The following PTPN12 variants were observed in gnomAD, a reference collection of about 807,000 sequenced individuals.
PTPN12 encodes tyrosine-protein phosphatase non-receptor type 12.
PTPN12 carries 29 observed loss-of-function variants against 97.6 expected under a neutral mutation model. The observed-to-expected ratio is 0.30, with a 90% confidence interval of 0.22 to 0.41. The LOEUF (loss-of-function observed/expected upper bound fraction) is 0.41, where lower values mean the gene tolerates loss of function less well. Among genes scored for constraint, PTPN12 ranks in the 10% least tolerant of loss-of-function variants. The pLI is 1.00. For missense variants in PTPN12, 819 were observed against 926.0 expected, an observed-to-expected ratio of 0.88 and a Z score of 1.50; for synonymous variants, 327 against 300.4, an observed-to-expected ratio of 1.09 and a Z score of -0.91.
chr7:77,561,615 CAG>C (rs1807998479), intron 1 of PTPN12, among the ~76,000 whole-genome samples: 1 of 151,980 alleles, frequency 6.6e-6, no homozygotes, highest in Non-Finnish European at 1.5e-5. Context: ...TTTGTTTTTG[CAG>C]AGAGAAGTGT....
intron 1 of PTPN12, among the ~76,000 whole-genome samples, chr7:77,570,138 A>G (rs1280649469): frequency 6.6e-6 from 1 of 152,218 alleles, no homozygotes; most frequent in Non-Finnish European, 1.5e-5. Context: ...ATCATAAAGA[A>G]AAAAATGTAT....
intron 7 of PTPN12, among the ~76,000 whole-genome samples, chr7:77,599,364 A>C (rs1272346476): frequency 2.3e-5 from 3 of 127,794 alleles, no homozygotes; most frequent in African/African-American, 6.1e-5. Flanking sequence ...TATATTGCCC[A>C]GGCTGGACTC....
At chr7:77,583,880 CAGTA>C in intron 4 of PTPN12, 1 of 360,962 alleles carries the variant, frequency 2.8e-6, no homozygotes, top group Non-Finnish European at 5.0e-6. Flanking sequence ...TGTCCTAAGT[CAGTA>C]AGTAATGATA....
intron 5 of PTPN12, among the ~76,000 whole-genome samples, chr7:77,591,171 C>T (rs999776687): frequency 4.6e-5 from 7 of 152,228 alleles, no homozygotes; most frequent in Non-Finnish European, 1.0e-4. Context: ...CTTTGTTTCT[C>T]TGTGAGCATT....
intron 8 of PTPN12, 67 bp downstream of exon 8, chr7:77,600,873 C>A: frequency 1.5e-6 from 2 of 1,321,024 alleles, no homozygotes; most frequent in Non-Finnish European, 2.1e-6. Context: ...GGTTTTATTT[C>A]TGCATTAATA....
intron 11 of PTPN12, among the ~76,000 whole-genome samples, chr7:77,611,337 T>G (rs1181892351): frequency 6.6e-6 from 1 of 152,236 alleles, no homozygotes; most frequent in Non-Finnish European, 1.5e-5. Flanking sequence ...ATAATTGCAT[T>G]GTTCTCTTTA....
chr7:77,632,248 C>G lies in PTPN12; in HGVS notation c.1997-100C>G, dbSNP rs534230280. 5 of 896,366 alleles carry G rather than the reference C, an allele frequency of 5.6e-6. No homozygotes were observed. In the Admixed American group the frequency reaches 6.3e-5, roughly 11 times the overall value. The allele number at this position is 896,366 out of a possible 1,614,324, so 55.5% of individuals were successfully genotyped here. On this transcript the variant is annotated intron_variant, in intron 13 of 17. Coordinates refer to ENST00000248594, the MANE Select transcript of PTPN12 (RefSeq NM_002835.4). Reference sequence around the variant, plus strand: ...TTTTTTTGCATTTTTAAAAACTGATCTAGATATTTGTGACAGGAATTTTTA... The same window carrying G: ...TTTTTTTGCATTTTTAAAAACTGATGTAGATATTTGTGACAGGAATTTTTA...
chr7:77,561,681 G>A (rs117884912), intron 1 of PTPN12, among the ~76,000 whole-genome samples: 2,790 of 152,086 alleles, frequency 0.018, 34 homozygotes, highest in Middle Eastern at 0.071. Context: ...ATTTGTAATC[G>A]GAGGTAAAGA....
chr7:77,625,696 A>G (rs1232447853), intron 12 of PTPN12, among the ~76,000 whole-genome samples: 1 of 145,678 alleles, frequency 6.9e-6, no homozygotes, highest in East Asian at 2.1e-4. Context: ...CAGCCTCCCA[A>G]GTATCTGGGA....
intron 1 of PTPN12, among the ~76,000 whole-genome samples, chr7:77,550,966 A>G (rs1022934563): frequency 6.6e-6 from 1 of 152,210 alleles, no homozygotes; most frequent in African/African-American, 2.4e-5. Context: ...CTTCAGGATC[A>G]TACTGGTAAA....
chr7:77,598,311 T>G (rs1308136661), intron 7 of PTPN12, among the ~76,000 whole-genome samples: 1 of 152,168 alleles, frequency 6.6e-6, no homozygotes, highest in Non-Finnish European at 1.5e-5. Context: ...ACTCCTTTGG[T>G]AAGGATCATT....
rs1163958266 is a variant in PTPN12 at position 77,618,668 on chromosome 7, TTTA to T, written c.1025+112_1025+114del. 5.9e-5 allele frequency: 45 copies of T among 763,078 alleles called. No homozygotes were observed. The Admixed American group carries it at 8.3e-4, about 14-fold the overall frequency. 47.3% of individuals were successfully genotyped at this position (763,078 alleles called of 1,614,324 possible). On this transcript the variant is annotated intron_variant, in intron 12 of 17. Transcript: ENST00000248594. ...ATATTTCTAAATTACTTTTATAACT[TTTA>T]TTATTATTTTGTTAGGATGTAACAT...
chr7:77,637,071 T>C (rs368416483), intron 16 of PTPN12, 23 bp downstream of exon 16: 1 of 1,568,900 alleles, frequency 6.4e-7, no homozygotes, highest in Admixed American at 1.7e-5. Context: ...ATTTTTTTTT[T>C]CCTTTTTACT....
intron 17 of PTPN12, 77 bp downstream of exon 17, chr7:77,638,808 A>G: frequency 3.3e-6 from 5 of 1,493,512 alleles, no homozygotes; most frequent in Non-Finnish European, 3.5e-6. Context: ...GCCATTGTGA[A>G]ATGACACTTG....
chr7:77,577,817 T>G (rs940250171), intron 2 of PTPN12, among the ~76,000 whole-genome samples: 3 of 152,210 alleles, frequency 2.0e-5, no homozygotes, highest in Non-Finnish European at 2.9e-5. Context: ...GCCCCATTTT[T>G]AATTTACTGA....
chr7:77,612,334 A>G (rs1165993071), intron 11 of PTPN12, among the ~76,000 whole-genome samples: 1 of 152,254 alleles, frequency 6.6e-6, no homozygotes, highest in African/African-American at 2.4e-5. Flanking sequence ...ATTATTGTGC[A>G]AGGAAATCCT....
intron 9 of PTPN12, among the ~76,000 whole-genome samples, chr7:77,609,806 G>A (rs1373214340): frequency 2.0e-5 from 3 of 151,490 alleles, no homozygotes; most frequent in African/African-American, 7.3e-5. Context: ...GCGTGAACCC[G>A]GGAGGCGGAG....
At chr7:77,573,360 A>G (rs150414102) in intron 2 of PTPN12, among the ~76,000 whole-genome samples, 189 of 152,282 alleles carry the variant, frequency 1.2e-3, no homozygotes, top group African/African-American at 4.3e-3. Context: ...TATGCTGTCT[A>G]GTGAAGGGTC....
chr7:77,605,894 A>G (rs960167876), intron 8 of PTPN12, among the ~76,000 whole-genome samples: 1 of 147,448 alleles, frequency 6.8e-6, no homozygotes, highest in Non-Finnish European at 1.5e-5. Context: ...TATACCTTCT[A>G]TAGATTGAAA....
Sources: allele counts gnomAD v4.1 joint callset (sites outside exome capture counted in the v4.1 genomes callset), GRCh38; gene constraint gnomAD v4.1.1; transcripts MANE v1.5; gene names NCBI Gene and HGNC (gene_info 2026-07-23, HGNC 2026-07-21).